Variants in DIP2A observed in about 807,000 individuals in gnomAD.
DIP2A encodes the protein DIP2 acetate--CoA ligase A.
DIP2A carries 85 observed loss-of-function variants against 177.4 expected under a neutral mutation model. That is an observed-to-expected ratio of 0.48 (90% CI 0.40 to 0.57). The LOEUF (loss-of-function observed/expected upper bound fraction) is 0.57, where lower values mean the gene tolerates loss of function less well. DIP2A is among the 20% of genes least tolerant of loss of function. The probability of loss-of-function intolerance (pLI) is 0.00; values close to 1 mark genes in which losing one functional copy is unlikely to be tolerated. For missense variants in DIP2A, 1,791 were observed against 2,100.2 expected (o/e 0.85, Z 2.88); for synonymous variants, 886 against 881.8 (o/e 1.00, Z -0.08).
chr21:46,582,455 A>G, the DIP2A span, among the ~76,000 whole-genome samples: 1 of 152,174 alleles, frequency 6.6e-6, no homozygotes, highest in Middle Eastern at 3.2e-3. Flanking sequence ...GTTTGGGCTC[A>G]TGAGGGGATT....
intron 6 of DIP2A, among the ~76,000 whole-genome samples, chr21:46,504,717 G>A (rs1461272791): frequency 6.6e-6 from 1 of 152,192 alleles, no homozygotes; most frequent in Admixed American, 6.5e-5. Flanking sequence ...CGAGGAGAGT[G>A]GGGAGGGAAA....
chr21:46,565,606 C>G (rs190803127), intron 35 of DIP2A, 107 bp from the exon 36 acceptor site: 2 of 1,164,460 alleles, frequency 1.7e-6, no homozygotes, highest in Non-Finnish European at 2.4e-6. Context: ...GCCCCGACTT[C>G]GTTCAGTGTT....
intron 1 of DIP2A, among the ~76,000 whole-genome samples, chr21:46,460,684 T>G (rs2054213153): frequency 6.6e-6 from 1 of 152,140 alleles, no homozygotes; most frequent in Non-Finnish European, 1.5e-5. Flanking sequence ...TTAACAATGT[T>G]GTGACATGTG....
Position 46,479,987 on chromosome 21 carries a change from G to A in DIP2A, c.92-4770G>A, listed in dbSNP as rs562132782. 4.6e-5 allele frequency among the ~76,000 whole-genome samples: 7 copies of A among 151,868 alleles called. No individual in the cohort carries two copies. The South Asian group carries it at 6.2e-4, about 14-fold the overall frequency. On this transcript the variant is annotated intron_variant, in intron 1 of 37. Coordinates refer to ENST00000417564, the MANE Select transcript of DIP2A (RefSeq NM_015151.4). ...ACTGTTACCAGTGAATGGTGCCACC[G>A]TGCAAAATATTACTCTTCACAGATT...
chr21:46,475,999 GC>G (rs2055808062), intron 1 of DIP2A, among the ~76,000 whole-genome samples: 1 of 151,966 alleles, frequency 6.6e-6, no homozygotes, highest in South Asian at 2.1e-4. Context: ...ACTTCGGGAG[GC>G]CAAGGCGGGT....
At chr21:46,546,763 G>A (rs557927843) in intron 20 of DIP2A, among the ~76,000 whole-genome samples, 152 bp from the exon 21 acceptor site, 71 of 152,340 alleles carry the variant, frequency 4.7e-4, no homozygotes, top group Non-Finnish European at 7.8e-4. Flanking sequence ...CAGGGCCTGC[G>A]TTGCAGATTG....
chr21:46,558,492 T>A, intron 32 of DIP2A, 99 bp downstream of exon 32: 1 of 1,223,424 alleles, frequency 8.2e-7, no homozygotes, highest in Non-Finnish European at 1.2e-6. Flanking sequence ...CCGCCTGATC[T>A]ATTTCTCCTT....
At chr21:46,489,472 G>A (rs1412550512) in intron 2 of DIP2A, among the ~76,000 whole-genome samples, 2 of 152,096 alleles carry the variant, frequency 1.3e-5, no homozygotes, top group African/African-American at 4.8e-5. Context: ...GTCCTCATGT[G>A]GCCCCTCCAC....
chr21:46,566,659 G>T lies in DIP2A; in HGVS notation c.4439G>T (p.Arg1480Leu). The change falls in exon 37 of 38, where the codon CGA becomes CTA. Residue 1480 changes from arginine to leucine, a missense_variant. Coordinates refer to ENST00000417564, the MANE Select transcript of DIP2A (RefSeq NM_015151.4). Reference sequence around the variant, plus strand: ...ATCGACATTGAGACCTCTGTCATCCGAGCACACAGGAGCATCGCTGAGTGG... The same window carrying T: ...ATCGACATTGAGACCTCTGTCATCCTAGCACACAGGAGCATCGCTGAGTGG... ...HPIDIETSVI[R>L]AHRSIAECAV... is the part of the protein sequence containing the mutation. 1.2e-6 allele frequency: 2 copies of T among 1,614,166 alleles called. 1 individual carries two copies. Among genetic ancestry groups the T allele is most frequent in the South Asian group, 2.2e-5 (2 of 91,082 alleles).
At chr21:46,522,997 G>C (rs60522135) in intron 8 of DIP2A, among the ~76,000 whole-genome samples, 35,758 of 151,436 alleles carry the variant, frequency 0.24, 5,490 homozygotes, top group African/African-American at 0.43. Flanking sequence ...GCGATCTCAG[G>C]TCACCGCAAC....
intron 18 of DIP2A, among the ~76,000 whole-genome samples, chr21:46,542,859 C>T (rs947069170): frequency 6.6e-6 from 1 of 152,250 alleles, no homozygotes; most frequent in Non-Finnish European, 1.5e-5. Flanking sequence ...CGTCCTGGCC[C>T]TTGTGCCTGC....
chr21:46,527,325 G>GTTT (rs58453285), intron 8 of DIP2A, among the ~76,000 whole-genome samples: 50,084 of 105,708 alleles, frequency 0.47, 13,309 homozygotes, highest in African/African-American at 0.57. Context: ...TTGAGTTGAG[G>GTTT]TTTTTTTTTT....
chr21:46,559,298 T>C (rs1331816585), intron 32 of DIP2A, among the ~76,000 whole-genome samples: 2 of 152,204 alleles, frequency 1.3e-5, no homozygotes, highest in African/African-American at 2.4e-5. Flanking sequence ...TTGAACGCCT[T>C]ATTCACCCAC....
At chr21:46,513,349 T>C (rs2058399036) in intron 8 of DIP2A, among the ~76,000 whole-genome samples, 1 of 152,190 alleles carries the variant, frequency 6.6e-6, no homozygotes, top group African/African-American at 2.4e-5. Flanking sequence ...TATCATTTAT[T>C]GAAAAGGCAA....
rs1465322522 is a variant in DIP2A, at chr21:46,556,957, A to G, written c.3517A>G (p.Ser1173Gly). The change falls in exon 30 of 38, where the codon AGC becomes GGC. Residue 1173 changes from serine (S) to glycine (G), a missense_variant. Physicochemically the swap from Ser to Gly is moderately conservative, Grantham distance 56 (BLOSUM62 0). Coordinates refer to ENST00000417564, the MANE Select transcript of DIP2A (RefSeq NM_015151.4). The surrounding 1 kb of genome is among the most constrained non-coding windows in gnomAD (Gnocchi z 4.5). Reference protein sequence around the residue: ...AGVKMSHAATSALCRSIKLQC... With the variant: ...AGVKMSHAATGALCRSIKLQC... ...TCTTAAGATGTCGCACGCGGCCACA[A>G]GCGCCTTATGCCGCTCCATAAAGCT... is the stretch of plus-strand genomic sequence containing the variant. The G allele has an allele frequency of 6.3e-7, 1 of 1,578,940 alleles. No individual in the cohort carries two copies.
chr21:46,562,052 A>G (rs1370080711), intron 34 of DIP2A, among the ~76,000 whole-genome samples: 1 of 152,136 alleles, frequency 6.6e-6, no homozygotes, highest in African/African-American at 2.4e-5. Flanking sequence ...GTGCAGGAAT[A>G]AAGAACTCCC....
At chr21:46,544,497 CT>C (rs2059949285) in intron 18 of DIP2A, among the ~76,000 whole-genome samples, 1 of 152,174 alleles carries the variant, frequency 6.6e-6, no homozygotes, top group Admixed American at 6.5e-5. Context: ...CATCTGCGCT[CT>C]GGAAAGAATG....
chr21:46,564,023 A>G, intron 35 of DIP2A, 91 bp downstream of exon 35: 1 of 1,452,890 alleles, frequency 6.9e-7, no homozygotes, highest in South Asian at 1.2e-5. Context: ...GGAATTCTAA[A>G]CTTGCCTTTG....
chr21:46,484,455 G>T (rs776381459), intron 1 of DIP2A, among the ~76,000 whole-genome samples: 3 of 152,088 alleles, frequency 2.0e-5, no homozygotes, highest in Admixed American at 1.3e-4. Flanking sequence ...TGTATCTGAC[G>T]CTATGGTTGT....
Sources: allele counts gnomAD v4.1 joint callset (sites outside exome capture counted in the v4.1 genomes callset), GRCh38; gene constraint gnomAD v4.1.1; non-coding constraint Gnocchi (gnomAD v3.1); transcripts MANE v1.5; gene names NCBI Gene and HGNC (gene_info 2026-07-23, HGNC 2026-07-21).